Variants in WDTC1 observed in about 807,000 individuals in gnomAD.
WDTC1 encodes WD and tetratricopeptide repeats 1, also known as WD and tetratricopeptide repeats protein 1.
WDTC1 carries 12 observed loss-of-function variants against 76.0 expected under a neutral mutation model. The ratio of observed to expected loss-of-function variants is 0.16; its 90% confidence interval spans 0.10 to 0.26. The LOEUF (loss-of-function observed/expected upper bound fraction) is 0.26. Ranked by LOEUF, WDTC1 falls within the 10% of genes least tolerant of loss-of-function variation. The pLI, the probability that WDTC1 is intolerant of heterozygous loss-of-function variation, is 1.00. For synonymous variants in WDTC1, 326 were observed against 350.8 expected, an observed-to-expected ratio of 0.93 and a Z score of 0.79; for missense variants, 511 against 908.8, an observed-to-expected ratio of 0.56 and a Z score of 5.63.
At chr1:27,256,453 C>A (rs2012283715) in intron 1 of WDTC1, among the ~76,000 whole-genome samples, 1 of 152,188 alleles carries the variant, frequency 6.6e-6, no homozygotes. Context: ...GGCTCTGCTT[C>A]CCACTAGACT....
chr1:27,293,214 C>T (rs1196881671), intron 7 of WDTC1, among the ~76,000 whole-genome samples: 4 of 151,220 alleles, frequency 2.6e-5, no homozygotes, highest in South Asian at 2.1e-4. Flanking sequence ...AGGCGGATCA[C>T]GAGGTCAGGA....
intron 1 of WDTC1, among the ~76,000 whole-genome samples, chr1:27,249,783 C>T (rs2011974853): frequency 1.3e-5 from 2 of 152,030 alleles, no homozygotes; most frequent in African/African-American, 4.8e-5. Flanking sequence ...TGCTGTGTTG[C>T]CCAGCCTGGT....
chr1:27,282,311 G>A (rs1261022722), intron 4 of WDTC1, 26 bp downstream of exon 4: 4 of 1,609,940 alleles, frequency 2.5e-6, no homozygotes, highest in Admixed American at 3.3e-5. Flanking sequence ...AGCACCTGAA[G>A]GGTGCTGGGG....
intron 3 of WDTC1, among the ~76,000 whole-genome samples, chr1:27,272,895 G>A (rs2012911010): frequency 6.6e-6 from 1 of 152,040 alleles, no homozygotes; most frequent in African/African-American, 2.4e-5. Context: ...GGCAACCCCA[G>A]CCTTGTCTCT....
At chr1:27,299,049 G>A (rs1483392267) in intron 12 of WDTC1, among the ~76,000 whole-genome samples, 1 of 152,180 alleles carries the variant, frequency 6.6e-6, no homozygotes, top group African/African-American at 2.4e-5. Flanking sequence ...TGACTGTTTT[G>A]GATGAATCGT....
chr1:27,283,011 G>A (rs746512998), intron 4 of WDTC1, among the ~76,000 whole-genome samples: 6 of 151,654 alleles, frequency 4.0e-5, no homozygotes, highest in East Asian at 2.0e-4. Flanking sequence ...GGTGGCGGGC[G>A]CCTGTAGTCC....
chr1:27,263,066 C>G, intron 2 of WDTC1, 86 bp from the exon 3 acceptor site: 1 of 1,442,842 alleles, frequency 6.9e-7, no homozygotes, highest in Non-Finnish European at 9.6e-7. Flanking sequence ...CTGTGGTGCC[C>G]AGGAAAGAGC....
At chr1:27,270,330 T>G (rs2012830115) in intron 3 of WDTC1, among the ~76,000 whole-genome samples, 1 of 152,208 alleles carries the variant, frequency 6.6e-6, no homozygotes, top group Non-Finnish European at 1.5e-5. Context: ...TGACAGTGAT[T>G]CAGGAAGAGG....
intron 5 of WDTC1, among the ~76,000 whole-genome samples, chr1:27,286,405 G>A (rs2013337481): frequency 6.7e-6 from 1 of 148,576 alleles, no homozygotes; most frequent in Non-Finnish European, 1.5e-5. Context: ...TCCAATATTT[G>A]CTATTATAAG....
intron 4 of WDTC1, among the ~76,000 whole-genome samples, chr1:27,282,994 C>T (rs917415742): frequency 2.0e-5 from 3 of 151,226 alleles, no homozygotes; most frequent in East Asian, 2.0e-4. Context: ...AAAAATTAGC[C>T]GGGTGTGGTG....
chr1:27,254,178 T>C (rs891012655), intron 1 of WDTC1, among the ~76,000 whole-genome samples: 1 of 152,160 alleles, frequency 6.6e-6, no homozygotes, highest in Non-Finnish European at 1.5e-5. Flanking sequence ...TGTCTGCCTG[T>C]AAAAGCTTGT....
At chr1:27,237,815 C>T (rs1052245889) in intron 1 of WDTC1, among the ~76,000 whole-genome samples, 1 of 144,656 alleles carries the variant, frequency 6.9e-6, no homozygotes, top group Non-Finnish European at 1.5e-5. Flanking sequence ...GAGCTGTGAT[C>T]GTGCCATTGC....
chr1:27,253,122 C>T, intron 1 of WDTC1, among the ~76,000 whole-genome samples: 1 of 151,142 alleles, frequency 6.6e-6, no homozygotes, highest in African/African-American at 2.4e-5. Flanking sequence ...GATTCTCCTG[C>T]CTCAGCCTCC....
chr1:27,252,817 A>C (rs61369489), intron 1 of WDTC1, among the ~76,000 whole-genome samples: 1 of 151,850 alleles, frequency 6.6e-6, no homozygotes, highest in Non-Finnish European at 1.5e-5. Context: ...AAAAGAAAAA[A>C]AAAAAGTTAC....
intron 12 of WDTC1, among the ~76,000 whole-genome samples, chr1:27,299,701 G>A (rs902936972): frequency 2.0e-5 from 3 of 152,204 alleles, no homozygotes; most frequent in East Asian, 3.9e-4. Context: ...CGTTGGCCTC[G>A]ATTCAGTGCA....
At chr1:27,272,224 C>T (rs1394264160) in intron 3 of WDTC1, among the ~76,000 whole-genome samples, 3 of 151,570 alleles carry the variant, frequency 2.0e-5, no homozygotes, top group African/African-American at 7.3e-5. Context: ...CCAGCCTGGG[C>T]AACAAGAGTG....
At chr1:27,261,161 T>C in intron 2 of WDTC1, 59 bp downstream of exon 2, 1 of 1,604,016 alleles carries the variant, frequency 6.2e-7, no homozygotes, top group Non-Finnish European at 8.5e-7. Flanking sequence ...ACAGATTGAT[T>C]TTACAGATGA....
At chr1:27,260,295 C>T (rs555012857) in intron 1 of WDTC1, among the ~76,000 whole-genome samples, 97 of 152,188 alleles carry the variant, frequency 6.4e-4, no homozygotes, top group African/African-American at 1.9e-3. Flanking sequence ...TTAGTAGGGA[C>T]GGGGTTTCAC....
chr1:27,239,873 A>G (rs2011579597), intron 1 of WDTC1, among the ~76,000 whole-genome samples: 1 of 151,018 alleles, frequency 6.6e-6, no homozygotes, highest in Non-Finnish European at 1.5e-5. Flanking sequence ...TTTAGTATAT[A>G]CCAGGCACTT....
Sources: gnomAD v4.1 joint callset for allele counts (sites outside exome capture counted in the v4.1 genomes callset) on GRCh38, gnomAD v4.1.1 for gene constraint, MANE v1.5 for transcripts, NCBI Gene and HGNC (gene_info 2026-07-23, HGNC 2026-07-21) for gene names.